MYH11: variants seen among roughly 807,000 people sequenced by gnomAD.
The protein encoded by MYH11 is myosin heavy chain 11.
Under a neutral mutation model 246.6 loss-of-function variants are expected in MYH11, and 80 were observed. The ratio of observed to expected loss-of-function variants is 0.32; its 90% CI spans 0.27 to 0.39. MYH11 has a LOEUF of 0.39. Ranked by LOEUF, MYH11 falls within the 10% of genes least tolerant of loss-of-function variation. MYH11 has a pLI of 1.00. For synonymous variants in MYH11, 1,071 were observed against 1,015.5 expected (o/e 1.05, Z -1.04); for missense variants, 2,158 against 2,546.8 (o/e 0.85, Z 3.29).
intron 40 of MYH11, chr16:15,714,576 G>T (rs1043731273): frequency 1.1e-5 from 5 of 463,072 alleles, no homozygotes; most frequent in Non-Finnish European, 2.0e-5. Context: ...AGCTTCAATG[G>T]ATGTCGTGAA....
chr16:15,803,810 G>A (rs1025653902), intron 3 of MYH11, among the ~76,000 whole-genome samples: 5 of 152,128 alleles, frequency 3.3e-5, no homozygotes, highest in Non-Finnish European at 7.4e-5. Flanking sequence ...GAGAGGGAGC[G>A]GGCTCCAGGA....
chr16:15,808,154 C>T (rs187889177), intron 3 of MYH11, among the ~76,000 whole-genome samples: 45 of 152,332 alleles, frequency 3.0e-4, no homozygotes, highest in Admixed American at 4.6e-4. Flanking sequence ...CCTAATGCCC[C>T]GCACGGAGGC....
chr16:15,718,244 T>C, intron 37 of MYH11, 71 bp downstream of exon 37: 1 of 1,601,456 alleles, frequency 6.2e-7, no homozygotes, highest in East Asian at 2.2e-5. Context: ...CACGCGTGTG[T>C]TGACTGGTGC....
chr16:15,809,874 A>T (rs1391451520), intron 3 of MYH11, among the ~76,000 whole-genome samples: 1 of 150,918 alleles, frequency 6.6e-6, no homozygotes, highest in Non-Finnish European at 1.5e-5. Flanking sequence ...GTGAGCCGAG[A>T]TCACACCACT....
At chr16:15,765,271 T>C (rs1263202039) in intron 9 of MYH11, among the ~76,000 whole-genome samples, 1 of 151,764 alleles carries the variant, frequency 6.6e-6, no homozygotes, top group Non-Finnish European at 1.5e-5. Flanking sequence ...GATGGATGAA[T>C]AGAGGATGGA....
At chr16:15,783,122 G>A (rs72772053) in intron 5 of MYH11, 5,951 of 152,902 alleles carry the variant, frequency 0.039, 199 homozygotes, top group Admixed American at 0.076. Flanking sequence ...ACAGCCCACC[G>A]GCCCCCTCTG....
intron 14 of MYH11, 23 bp downstream of exon 14, chr16:15,756,318 C>T (rs1287843216): frequency 6.2e-7 from 1 of 1,613,052 alleles, no homozygotes. Context: ...GAGACAGAGT[C>T]CCCTGGGCCC....
intron 13 of MYH11, among the ~76,000 whole-genome samples, chr16:15,757,511 A>AG (rs2041757805): frequency 1.9e-5 from 1 of 53,312 alleles, no homozygotes; most frequent in African/African-American, 1.0e-4. Context: ...CATGTCATAA[A>AG]AAAAAAAAAA....
At chr16:15,720,764 C>T in intron 33 of MYH11, 75 bp downstream of exon 33, 3 of 1,489,864 alleles carry the variant, frequency 2.0e-6, no homozygotes, top group South Asian at 2.3e-5. Flanking sequence ...AGTTTCCACA[C>T]CAACCATGAG....
intron 25 of MYH11, 64 bp downstream of exon 25, chr16:15,737,385 C>T (rs985220993): frequency 5.1e-5 from 82 of 1,597,596 alleles, no homozygotes; most frequent in Middle Eastern, 2.2e-4. Context: ...TGCGAATGAG[C>T]GAATGAGCAG....
chr16:15,763,741 T>TGGGGCGC, intron 10 of MYH11, 55 bp downstream of exon 10: 1 of 646,862 alleles, frequency 1.5e-6, no homozygotes, highest in East Asian at 3.2e-5. Context: ...AAATGTCACC[T>TGGGGCGC]CCCCCACCCC....
intron 4 of MYH11, among the ~76,000 whole-genome samples, chr16:15,790,468 T>A (rs1047934917): frequency 6.6e-6 from 1 of 152,150 alleles, no homozygotes; most frequent in Non-Finnish European, 1.5e-5. Flanking sequence ...CTCCACTGTT[T>A]CCAAGTTCTG....
intron 2 of MYH11, among the ~76,000 whole-genome samples, chr16:15,835,988 G>T (rs1425113370): frequency 6.6e-6 from 1 of 152,016 alleles, no homozygotes; most frequent in African/African-American, 2.4e-5. Context: ...GGGCTCAAGT[G>T]AGCCACCTGC....
At chr16:15,814,684 G>A (rs1428314177) in intron 3 of MYH11, among the ~76,000 whole-genome samples, 1 of 150,818 alleles carries the variant, frequency 6.6e-6, no homozygotes, top group Non-Finnish European at 1.5e-5. Context: ...TCAGAAACTG[G>A]CAATGCCAGG....
rs1222457297 is a variant in MYH11 at position 15,745,132 on chromosome 16, G to A, written c.2517C>T (p.Thr839=). 1 of 1,613,572 alleles carries A rather than the reference G, an allele frequency of 6.2e-7. No individual in the cohort carries two copies. The highest frequency in any genetic ancestry group is 8.5e-7 in the Non-Finnish European group (1 of 1,179,540). Residue 839 remains threonine, a synonymous_variant, in exon 20 of 41, where the codon ACC becomes ACT. Coordinates refer to ENST00000300036, the MANE Select transcript of MYH11 (RefSeq NM_002474.3). ...GGGGCTGGGGCAGAGCACTCACTTT[G>A]GTGAAAAGCCTCCACCACTGCCAGT... ...LRNWQWWRLF[T]KVKPLLQVTR...
intron 4 of MYH11, among the ~76,000 whole-genome samples, chr16:15,788,468 G>C (rs1023588211): frequency 1.3e-5 from 2 of 151,228 alleles, no homozygotes; most frequent in Non-Finnish European, 1.5e-5. Context: ...AGGAAATAAA[G>C]AAATTAATTT....
At chr16:15,747,461 CAAT>C (rs368043644) in intron 19 of MYH11, 106 bp downstream of exon 19, 1 of 1,282,772 alleles carries the variant, frequency 7.8e-7, no homozygotes, top group African/African-American at 1.5e-5. Context: ...GTCATTCAGT[CAAT>C]GATGCATCTT....
At chr16:15,746,556 T>C (rs1270490685) in intron 19 of MYH11, among the ~76,000 whole-genome samples, 1 of 152,086 alleles carries the variant, frequency 6.6e-6, no homozygotes, top group Non-Finnish European at 1.5e-5. Context: ...AGGGTCCTAC[T>C]GGTGAGGGTG....
At chr16:15,833,114 C>T (rs2043786738) in intron 2 of MYH11, among the ~76,000 whole-genome samples, 1 of 151,218 alleles carries the variant, frequency 6.6e-6, no homozygotes, top group Non-Finnish European at 1.5e-5. Flanking sequence ...TTGGGCAATA[C>T]GGTGTGACCC....
Sources: allele counts gnomAD v4.1 joint callset (sites outside exome capture counted in the v4.1 genomes callset), GRCh38; gene constraint gnomAD v4.1.1; transcripts MANE v1.5; gene names NCBI Gene and HGNC (gene_info 2026-07-23, HGNC 2026-07-21).